Variants in F13A1 observed in about 807,000 individuals in gnomAD.
The protein encoded by F13A1 is coagulation factor XIII A chain.
In F13A1, 47 loss-of-function variants were observed where a neutral mutation model predicts 80.1. That is an observed-to-expected ratio of 0.59 (90% CI 0.46 to 0.75). F13A1 has a LOEUF of 0.75. Ranked by LOEUF, F13A1 falls within the 30% of genes least tolerant of loss-of-function variation. The pLI is 0.00. For missense variants in F13A1, 817 were observed against 930.4 expected, an observed-to-expected ratio of 0.88 and a Z score of 1.59; for synonymous variants, 349 against 344.9, an observed-to-expected ratio of 1.01 and a Z score of -0.13.
intron 3 of F13A1, among the ~76,000 whole-genome samples, chr6:6,290,888 A>G (rs1409543976): frequency 6.6e-6 from 1 of 152,214 alleles, no homozygotes; most frequent in Non-Finnish European, 1.5e-5. Flanking sequence ...AGGCTAAGAA[A>G]TAGTTATCTA....
intron 3 of F13A1, among the ~76,000 whole-genome samples, chr6:6,304,880 A>AG (rs1173783718): frequency 1.4e-5 from 2 of 140,098 alleles, no homozygotes; most frequent in African/African-American, 5.1e-5. Context: ...AAAAAAAAAA[A>AG]GGGTGATTAA....
At chr6:6,211,719 G>T (rs530033366) in intron 8 of F13A1, among the ~76,000 whole-genome samples, 1 of 152,210 alleles carries the variant, frequency 6.6e-6, no homozygotes. Context: ...AGCTCCCAGC[G>T]TGAGTGACAC....
intron 6 of F13A1, among the ~76,000 whole-genome samples, chr6:6,231,530 C>T (rs990377059): frequency 7.9e-5 from 12 of 152,122 alleles, no homozygotes; most frequent in East Asian, 5.8e-4. Flanking sequence ...AATACTTCCC[C>T]GGCCTTGCTA....
At chr6:6,199,909 C>A (rs1278593190) in intron 8 of F13A1, among the ~76,000 whole-genome samples, 1 of 152,160 alleles carries the variant, frequency 6.6e-6, no homozygotes, top group African/African-American at 2.4e-5. Context: ...ATTGGGGATA[C>A]AACCCACAGG....
At chr6:6,245,267 C>T (rs573531935) in intron 6 of F13A1, among the ~76,000 whole-genome samples, 1 of 152,260 alleles carries the variant, frequency 6.6e-6, no homozygotes, top group South Asian at 2.1e-4. Flanking sequence ...TGGAGTTTTA[C>T]TCTTGAGTGC....
intron 13 of F13A1, among the ~76,000 whole-genome samples, chr6:6,163,644 T>C (rs1362192017): frequency 1.3e-5 from 2 of 152,206 alleles, no homozygotes; most frequent in Non-Finnish European, 2.9e-5. Flanking sequence ...TCTGGCTCCA[T>C]TCGTGTTCCT....
intron 4 of F13A1, among the ~76,000 whole-genome samples, chr6:6,260,080 TTCTC>T (rs1280759469): frequency 6.6e-6 from 1 of 152,170 alleles, no homozygotes; most frequent in Non-Finnish European, 1.5e-5. Flanking sequence ...GTGGGTACAG[TTCTC>T]TCTAACACCC....
intron 3 of F13A1, among the ~76,000 whole-genome samples, chr6:6,300,709 G>T (rs945493544): frequency 1.8e-4 from 27 of 152,066 alleles, no homozygotes; most frequent in African/African-American, 6.3e-4. Flanking sequence ...CTTCTGGGTC[G>T]CTCAGGCTGG....
intron 12 of F13A1, among the ~76,000 whole-genome samples, chr6:6,168,997 G>A (rs192779866): frequency 1.3e-5 from 2 of 152,350 alleles, no homozygotes; most frequent in East Asian, 3.9e-4. Context: ...AGATGCGTAA[G>A]TGCTGTGCCT....
At chr6:6,173,774 CAA>C (rs1394674794) in intron 12 of F13A1, among the ~76,000 whole-genome samples, 1 of 152,074 alleles carries the variant, frequency 6.6e-6, no homozygotes, top group East Asian at 1.9e-4. Flanking sequence ...GGACAGCCCC[CAA>C]AAGACTTTCC....
chr6:6,163,201 C>T (rs1760603628), intron 13 of F13A1, among the ~76,000 whole-genome samples: 2 of 152,294 alleles, frequency 1.3e-5, no homozygotes, highest in Admixed American at 1.3e-4. Flanking sequence ...TCCATCCAGG[C>T]TCAAAGAGGT....
chr6:6,239,070 A>G (rs759603338), intron 6 of F13A1, among the ~76,000 whole-genome samples: 1 of 152,228 alleles, frequency 6.6e-6, no homozygotes, highest in Non-Finnish European at 1.5e-5. Context: ...TAGTAACTGT[A>G]TTCATAATAG....
Position 6,151,881 on chromosome 6 carries a change from T to G in F13A1, c.1977A>C (p.Glu659Asp), listed in dbSNP as rs1197509877. The G allele has an allele frequency of 6.2e-7, 1 of 1,614,024 alleles. No individual in the cohort carries two copies. The highest frequency in any genetic ancestry group is 8.5e-7 in the Non-Finnish European group (1 of 1,179,994). The change falls in exon 14 of 15, where the codon GAA (glutamate) becomes GAC (aspartate). Residue 659 changes from glutamate to aspartate, a missense_variant. Glu to Asp is a conservative substitution (Grantham distance 45). Transcript: ENST00000264870. ...GGTGTACCCAGACATTTCGCAGGGT[T>G]TCTTTTAAAGGATTGGTAAACTCAA... ...VTVEFTNPLK[E>D]TLRNVWVHLD...
intron 4 of F13A1, among the ~76,000 whole-genome samples, chr6:6,253,844 C>T (rs569542714): frequency 5.3e-5 from 8 of 152,182 alleles, no homozygotes; most frequent in Admixed American, 2.6e-4. Context: ...TAGATCTGAT[C>T]AATACGTGGT....
intron 6 of F13A1, among the ~76,000 whole-genome samples, chr6:6,244,004 C>T (rs529716650): frequency 7.9e-5 from 12 of 152,282 alleles, no homozygotes; most frequent in East Asian, 1.9e-4. Flanking sequence ...GTAACCACGC[C>T]GCAGTAATGC....
At chr6:6,155,063 G>A (rs34475252) in intron 13 of F13A1, among the ~76,000 whole-genome samples, 37,588 of 152,042 alleles carry the variant, frequency 0.25, 4,904 homozygotes, top group African/African-American at 0.32. Context: ...TATACAATAT[G>A]GGCATGTATT....
At chr6:6,171,183 G>A (rs1246737682) in intron 12 of F13A1, among the ~76,000 whole-genome samples, 1 of 152,228 alleles carries the variant, frequency 6.6e-6, no homozygotes, top group Non-Finnish European at 1.5e-5. Flanking sequence ...CTAGACTCCA[G>A]GTAATGGGAG....
At chr6:6,238,979 T>C (rs750627339) in intron 6 of F13A1, among the ~76,000 whole-genome samples, 10 of 152,170 alleles carry the variant, frequency 6.6e-5, no homozygotes, top group Non-Finnish European at 1.5e-4. Context: ...ACATACTTTC[T>C]GATCTAGGCA....
At chr6:6,165,575 T>C (rs916480702) in intron 13 of F13A1, among the ~76,000 whole-genome samples, 3 of 152,110 alleles carry the variant, frequency 2.0e-5, no homozygotes, top group Non-Finnish European at 4.4e-5. Flanking sequence ...GGTTCAGGGT[T>C]GAGCTCATAA....
Sources: gnomAD v4.1 joint callset for allele counts (sites outside exome capture counted in the v4.1 genomes callset) on GRCh38, gnomAD v4.1.1 for gene constraint, MANE v1.5 for transcripts, NCBI Gene and HGNC (gene_info 2026-07-23, HGNC 2026-07-21) for gene names.